The following MFN2 variants were observed in gnomAD, a reference collection of about 807,000 sequenced individuals.
The protein encoded by MFN2 is mitofusin-2.
In MFN2, 43 loss-of-function variants were observed where a neutral mutation model predicts 87.5. That is an observed-to-expected ratio of 0.49 (90% CI 0.38 to 0.63). The LOEUF is 0.63. Ranked by LOEUF, MFN2 falls within the 30% of genes least tolerant of loss-of-function variation. The probability of loss-of-function intolerance (pLI) is 0.00; values close to 1 mark genes in which losing one functional copy is unlikely to be tolerated. For missense variants in MFN2, 743 were observed against 972.8 expected (o/e 0.76, Z 3.14); for synonymous variants, 337 against 359.9 (o/e 0.94, Z 0.72).
At position 12,011,591 on chromosome 1, in the gene MFN2, G is replaced by A. The variant is rs374800481; in HGVS notation, c.*26G>A. On this transcript the variant is annotated 3_prime_UTR_variant, in exon 19 of 19. Coordinates refer to ENST00000235329, the MANE Select transcript of MFN2 (RefSeq NM_014874.4). ...TGGGCACCTGAGGCGGAGTCTGCGT[G>A]GAGAGGGGCGGTGCTGCCAGCCCTA... is the stretch of plus-strand genomic sequence containing the variant. 9.4e-5 allele frequency: 151 copies of A among 1,612,338 alleles called. No homozygotes were observed. Among genetic ancestry groups the A allele is most frequent in the Non-Finnish European group, 1.8e-5 (21 of 1,179,360 alleles).
At chr1:11,987,846 G>A (rs1429008200) in intron 2 of MFN2, among the ~76,000 whole-genome samples, 1 of 152,106 alleles carries the variant, frequency 6.6e-6, no homozygotes, top group Non-Finnish European at 1.5e-5. Flanking sequence ...ATGTACTCAG[G>A]AGGCTGAGGT....
At chr1:12,001,942 T>C in intron 10 of MFN2, 40 bp from the exon 11 acceptor site, 1 of 1,614,130 alleles carries the variant, frequency 6.2e-7, no homozygotes, top group Non-Finnish European at 8.5e-7. Context: ...TGTAGGCCCC[T>C]GGTGGCCCCC....
At chr1:11,989,110 C>G in intron 2 of MFN2, 55 bp from the exon 3 acceptor site, 1 of 1,584,314 alleles carries the variant, frequency 6.3e-7, no homozygotes, top group Non-Finnish European at 8.6e-7. Flanking sequence ...ATCTCCCTAG[C>G]AGGATGTCCC....
At position 11,996,155 on chromosome 1, in the gene MFN2, G is replaced by T; in HGVS notation, c.312-1G>T. 1 of 1,614,160 alleles carries T rather than the reference G, an allele frequency of 6.2e-7. No homozygotes were observed. The highest frequency in any genetic ancestry group is 8.5e-7 in the Non-Finnish European group (1 of 1,180,022). On this transcript the variant is annotated splice_acceptor_variant, in intron 4 of 18. Coordinates refer to ENST00000235329, the MANE Select transcript of MFN2 (RefSeq NM_014874.4). LOFTEE classifies it high-confidence loss of function. ...TGCTGACAGCTGTTACTTCCTTCTA[G>T]GACGAGCAATGGGAAGAGCACCGTG...
At chr1:11,992,967 C>CTTTTTTTT (rs35911686) in intron 4 of MFN2, among the ~76,000 whole-genome samples, 2 of 143,990 alleles carry the variant, frequency 1.4e-5, no homozygotes, top group Non-Finnish European at 3.0e-5. Context: ...TCAAGCCTGA[C>CTTTTTTTT]TTTTTTTTTT....
chr1:11,983,060 T>G (rs1390076086), intron 2 of MFN2, among the ~76,000 whole-genome samples: 5 of 152,184 alleles, frequency 3.3e-5, no homozygotes, highest in East Asian at 3.9e-4. Context: ...TGTTTGTTTG[T>G]TTTTTGTTTT....
rs1323018606 is a variant in MFN2 at position 12,011,701 on chromosome 1, ATT to A, written c.*139_*140del. The A allele has an allele frequency of 2.3e-6, 2 of 886,102 alleles. No individual in the cohort carries two copies. Among genetic ancestry groups the A allele is most frequent in the Non-Finnish European group, 3.6e-6 (2 of 549,618 alleles). 54.9% of individuals were successfully genotyped at this position (886,102 alleles called of 1,614,324 possible). A position where few individuals can be genotyped will look rare whatever the true frequency, so the allele number is the denominator to read the frequency against. On this transcript the variant is annotated 3_prime_UTR_variant, in exon 19 of 19. Transcript: ENST00000235329. ...AGAATGAAGCACCCAGTCTCGTACC[ATT>A]TTGAGCCCTCCAGCACTACTTATTT...
At chr1:12,008,465 G>C (rs1359832029) in intron 17 of MFN2, among the ~76,000 whole-genome samples, 7 of 143,920 alleles carry the variant, frequency 4.9e-5, no homozygotes, top group African/African-American at 2.0e-4. Context: ...TGGCCGGGCG[G>C]GGACTGACCC....
intron 17 of MFN2, among the ~76,000 whole-genome samples, chr1:12,009,220 A>T (rs1306436911): frequency 6.6e-6 from 1 of 151,474 alleles, no homozygotes; most frequent in Non-Finnish European, 1.5e-5. Flanking sequence ...CCGTGGGGAG[A>T]GGGAGAGGGA....
chr1:11,981,434 C>A (rs1334218826), intron 1 of MFN2, among the ~76,000 whole-genome samples: 1 of 152,160 alleles, frequency 6.6e-6, no homozygotes, highest in Non-Finnish European at 1.5e-5. Flanking sequence ...ACCCGGGAGG[C>A]GGAGGTTGAG....
chr1:12,011,014 A>C (rs971154725), intron 18 of MFN2, among the ~76,000 whole-genome samples: 8 of 151,256 alleles, frequency 5.3e-5, no homozygotes, highest in Non-Finnish European at 7.4e-5. Context: ...CCTGCCCTCG[A>C]CTGCGGATGT....
intron 6 of MFN2, among the ~76,000 whole-genome samples, chr1:11,998,157 C>T (rs1231674941): frequency 6.6e-6 from 1 of 151,670 alleles, no homozygotes; most frequent in Middle Eastern, 3.4e-3. Flanking sequence ...GCTGGGATTA[C>T]GGGCATGAGC....
chr1:12,001,637 CCTT>C (rs1280556726), intron 9 of MFN2, 83 bp downstream of exon 9: 16 of 1,604,626 alleles, frequency 1.0e-5, no homozygotes, highest in African/African-American at 2.7e-5. Flanking sequence ...AGTAGAAAAT[CCTT>C]CTGAGAAGGG....
At chr1:12,010,462 C>T (rs991077397) in intron 18 of MFN2, among the ~76,000 whole-genome samples, 1 of 152,212 alleles carries the variant, frequency 6.6e-6, no homozygotes, top group African/African-American at 2.4e-5. Flanking sequence ...TTGGCTCCAG[C>T]AGCCCCCGCA....
Position 12,009,528 on chromosome 1 carries a change from GC to G in MFN2, c.2070-63del, listed in dbSNP as rs1213213454. On this transcript the variant is annotated intron_variant, in intron 17 of 18. Coordinates refer to ENST00000235329, the MANE Select transcript of MFN2 (RefSeq NM_014874.4). The stretch of plus-strand genomic sequence containing the variant: ...CCCAGCTGCTCCCTACTGTGGGTGG[GC>G]TAAGCCACCAGTGGCATCTTGCTCC... 8 of 1,610,550 alleles carry G rather than the reference GC, an allele frequency of 5.0e-6. No individual in the cohort carries two copies. The Admixed American group carries it at 1.3e-4, about 27-fold the overall frequency.
rs1455410933 is a variant in MFN2, at chr1:11,981,979, GTGGAGTCAACACAGTCAATCAAT to G, written c.-139_-117del. 2.0e-5 allele frequency: 3 copies of G among 146,344 alleles called. No individual in the cohort carries two copies. The highest frequency in any genetic ancestry group is 7.8e-5 in the African/African-American group (3 of 38,576). 9.1% of individuals were successfully genotyped at this position (146,344 alleles called of 1,614,324 possible). A position where few individuals can be genotyped will look rare whatever the true frequency, so the allele number is the denominator to read the frequency against. On this transcript the variant is annotated 5_prime_UTR_variant, in exon 2 of 19. Coordinates refer to ENST00000235329, the MANE Select transcript of MFN2 (RefSeq NM_014874.4). ...TTTCTTTTCTAATAAGTCAGGACTG[GTGGAGTCAACACAGTCAATCAAT>G]AGCCAACCTCAACCTGAGACAGGAC...
At position 11,998,718 on chromosome 1, in the gene MFN2, G is replaced by T. The variant is rs553522104; in HGVS notation, c.600-52G>T. The T allele has an allele frequency of 8.0e-5, 123 of 1,537,296 alleles. 1 individual carries two copies. In the South Asian group the frequency reaches 1.3e-3, roughly 17 times the overall value. The stretch of plus-strand genomic sequence containing the variant: ...GTCCCAGGTCTGTTCTCAGCAGGAA[G>T]AATAGGGCTCCTGCTCTGCCTGATG... On this transcript the variant is annotated intron_variant, in intron 6 of 18. Transcript: ENST00000235329.
At position 12,012,139 on chromosome 1, in the gene MFN2, T is replaced by G. The variant is rs757275978; in HGVS notation, c.*574T>G. ...CTTGGTGGTGAGGCTCAGTTACCCC[T>G]GGGCTTAGGCTGAGGCGGGCCCTGT... On this transcript the variant is annotated 3_prime_UTR_variant, in exon 19 of 19. Transcript: ENST00000235329. 1 of 162,764 alleles carries G rather than the reference T, an allele frequency of 6.1e-6. No homozygotes were observed. The highest frequency in any genetic ancestry group is 2.4e-5 in the African/African-American group (1 of 41,770). 10.1% of individuals were successfully genotyped at this position (162,764 alleles called of 1,614,324 possible).
intron 2 of MFN2, among the ~76,000 whole-genome samples, chr1:11,982,816 C>CT (rs1646009828): frequency 6.6e-6 from 1 of 152,126 alleles, no homozygotes; most frequent in Non-Finnish European, 1.5e-5. Context: ...TGCCCTGGCA[C>CT]TTTTTAGGGG....
Sources: gnomAD v4.1 joint callset for allele counts (sites outside exome capture counted in the v4.1 genomes callset) on GRCh38, gnomAD v4.1.1 for gene constraint, MANE v1.5 for transcripts, NCBI Gene and HGNC (gene_info 2026-07-23, HGNC 2026-07-21) for gene names.